Variants in CAMK2D observed in about 807,000 individuals in gnomAD.
CAMK2D encodes calcium/calmodulin dependent protein kinase II delta, also known as calcium/calmodulin-dependent protein kinase type II subunit delta.
A neutral mutation model predicts 84.0 loss-of-function variants in CAMK2D; 37 were observed. That is an observed-to-expected ratio of 0.44 (90% CI 0.34 to 0.58). The LOEUF is 0.58. Among genes scored for constraint, CAMK2D ranks in the 20% least tolerant of loss-of-function variants. The pLI is 0.02. For synonymous variants in CAMK2D, 202 were observed against 212.5 expected (o/e 0.95, Z 0.43); for missense variants, 448 against 652.5 (o/e 0.69, Z 3.41).
chr4:113,635,529 C>G (rs1007501148), intron 3 of CAMK2D, among the ~76,000 whole-genome samples: 4 of 152,164 alleles, frequency 2.6e-5, no homozygotes, highest in Admixed American at 2.6e-4. Flanking sequence ...TCTGCAAAAA[C>G]AGTACAATGG....
intron 1 of CAMK2D, among the ~76,000 whole-genome samples, chr4:113,760,361 G>T (rs894549522): frequency 6.6e-6 from 1 of 152,180 alleles, no homozygotes; most frequent in Non-Finnish European, 1.5e-5. Flanking sequence ...AGATGCACAC[G>T]TAAATCCTAG....
At position 113,548,367 on chromosome 4, in the gene CAMK2D, T is replaced by C. The variant is rs527597271; in HGVS notation, c.342-651A>G. 2.4e-3 allele frequency among the ~76,000 whole-genome samples: 372 copies of C among 152,294 alleles called. 5 individuals are homozygous for C. Among genetic ancestry groups the C allele is most frequent in the Middle Eastern group, 6.8e-3 (2 of 294 alleles). ...GCCAAGTTTATCTCCAGGCAAATGCTGGGCAATTCAAGAAAGCCTGCTCCT... is the reference window on the plus strand; with the variant it reads ...GCCAAGTTTATCTCCAGGCAAATGCCGGGCAATTCAAGAAAGCCTGCTCCT... On this transcript the variant is annotated intron_variant, in intron 5 of 20. Coordinates refer to ENST00000511664, the MANE Select transcript of CAMK2D (RefSeq NM_001321571.2).
intron 3 of CAMK2D, among the ~76,000 whole-genome samples, chr4:113,660,541 T>C (rs1387654489): frequency 6.6e-6 from 1 of 152,000 alleles, no homozygotes; most frequent in African/African-American, 2.4e-5. Context: ...ACATGCACAC[T>C]ACCACATCCA....
chr4:113,520,797 G>A (rs1014388447), intron 8 of CAMK2D, among the ~76,000 whole-genome samples: 1 of 152,168 alleles, frequency 6.6e-6, no homozygotes, highest in African/African-American at 2.4e-5. Context: ...GGAGGCTGAT[G>A]TAGGAGGATC....
In CAMK2D at chr4:113,463,333, C is replaced by A. The variant is rs542352060; in HGVS notation, c.1211+2196G>T. Among the ~76,000 whole-genome samples the A allele has an allele frequency of 3.5e-4, 53 of 152,208 alleles. 1 individual carries two copies. In the South Asian group the frequency reaches 7.9e-3, roughly 23 times the overall value. On this transcript the variant is annotated intron_variant, in intron 17 of 20. Transcript: ENST00000511664. The stretch of plus-strand genomic sequence containing the variant: ...CAACTTCTTTTTTTCTTTTTAAAAT[C>A]TAATTTGGCATGTTTCATTCCACTT...
chr4:113,477,556 G>A (rs932963873), intron 16 of CAMK2D, among the ~76,000 whole-genome samples: 12 of 151,928 alleles, frequency 7.9e-5, no homozygotes, highest in African/African-American at 2.7e-4. Flanking sequence ...GACCAGCCTG[G>A]CCACCATGGT....
At chr4:113,471,504 C>T (rs1285818676) in intron 16 of CAMK2D, among the ~76,000 whole-genome samples, 5 of 152,186 alleles carry the variant, frequency 3.3e-5, no homozygotes, top group African/African-American at 1.2e-4. Context: ...AAGTCTGATG[C>T]CTCTCTGGAA....
chr4:113,479,508 ATATGG>A (rs1384286462), intron 16 of CAMK2D, among the ~76,000 whole-genome samples: 6 of 152,230 alleles, frequency 3.9e-5, no homozygotes, highest in Non-Finnish European at 8.8e-5. Flanking sequence ...AGTGCCTATT[ATATGG>A]TACTATGGAG....
chr4:113,617,195 C>T (rs571678991), intron 3 of CAMK2D, among the ~76,000 whole-genome samples: 4 of 152,156 alleles, frequency 2.6e-5, no homozygotes, highest in South Asian at 2.1e-4. Context: ...GGGCTGGGTG[C>T]GGTGACTTAC....
At chr4:113,752,053 T>A (rs1381307207) in intron 2 of CAMK2D, among the ~76,000 whole-genome samples, 1 of 151,500 alleles carries the variant, frequency 6.6e-6, no homozygotes, top group African/African-American at 2.4e-5. Flanking sequence ...CCCCAGGGTA[T>A]GAAGAAATAA....
intron 1 of CAMK2D, among the ~76,000 whole-genome samples, chr4:113,759,792 AG>A (rs1448027281): frequency 6.6e-6 from 1 of 152,222 alleles, no homozygotes; most frequent in East Asian, 1.9e-4. Context: ...TTATTTTGGT[AG>A]GAAACAAAAA....
intron 8 of CAMK2D, among the ~76,000 whole-genome samples, chr4:113,530,332 T>G (rs1209079270): frequency 6.6e-6 from 1 of 152,162 alleles, no homozygotes; most frequent in African/African-American, 2.4e-5. Context: ...TTTTTTAGCA[T>G]AAGATAAAGT....
intron 14 of CAMK2D, 65 bp downstream of exon 14, chr4:113,504,910 GA>G (rs2098109640): frequency 2.8e-6 from 2 of 726,072 alleles, no homozygotes; most frequent in Non-Finnish European, 4.0e-6. Flanking sequence ...GAAAGCAAAT[GA>G]GAGAAACCAC....
At chr4:113,494,625 C>T (rs1450583693) in intron 16 of CAMK2D, among the ~76,000 whole-genome samples, 2 of 152,230 alleles carry the variant, frequency 1.3e-5, no homozygotes, top group Non-Finnish European at 2.9e-5. Context: ...GAGGTGGAGC[C>T]TACAGAGGCA....
At chr4:113,638,352 G>A (rs981951103) in intron 3 of CAMK2D, among the ~76,000 whole-genome samples, 11 of 152,086 alleles carry the variant, frequency 7.2e-5, no homozygotes, top group African/African-American at 1.9e-4. Flanking sequence ...CAGAGCACAA[G>A]AAGAAAAATG....
chr4:113,485,244 G>A (rs1235551558), intron 16 of CAMK2D, among the ~76,000 whole-genome samples: 2 of 152,160 alleles, frequency 1.3e-5, no homozygotes, highest in African/African-American at 4.8e-5. Context: ...TAGAAACTAT[G>A]AGCCTTGTTT....
intron 5 of CAMK2D, among the ~76,000 whole-genome samples, chr4:113,551,357 C>T (rs988835991): frequency 1.3e-5 from 2 of 152,146 alleles, no homozygotes; most frequent in African/African-American, 4.8e-5. Flanking sequence ...CTCTTGAACT[C>T]TCTTAAATGC....
intron 4 of CAMK2D, among the ~76,000 whole-genome samples, chr4:113,587,314 T>C (rs2098838499): frequency 6.6e-6 from 1 of 152,182 alleles, no homozygotes; most frequent in Admixed American, 6.5e-5. Flanking sequence ...AGACATTCTT[T>C]TACAAAATCA....
chr4:113,484,601 T>C (rs185913150), intron 16 of CAMK2D, among the ~76,000 whole-genome samples: 3 of 152,308 alleles, frequency 2.0e-5, no homozygotes, highest in African/African-American at 2.4e-5. Flanking sequence ...GCATTTTATA[T>C]ATAGATGCAA....
Sources: allele counts gnomAD v4.1 joint callset (sites outside exome capture counted in the v4.1 genomes callset), GRCh38; gene constraint gnomAD v4.1.1; transcripts MANE v1.5; gene names NCBI Gene and HGNC (gene_info 2026-07-23, HGNC 2026-07-21).